TMEM177: variants seen among roughly 807,000 people sequenced by gnomAD.
TMEM177 encodes the protein transmembrane protein 177.
In TMEM177, 4 loss-of-function variants were observed where a neutral mutation model predicts 14.2. The observed-to-expected ratio is 0.28, with a 90% confidence interval of 0.14 to 0.64. The LOEUF is 0.64. Ranked by LOEUF, TMEM177 falls within the 30% of genes least tolerant of loss-of-function variation. The probability of loss-of-function intolerance (pLI) is 0.82; values close to 1 mark genes in which losing one functional copy is unlikely to be tolerated. For synonymous variants in TMEM177, 179 were observed against 174.5 expected (o/e 1.03, Z -0.20); for missense variants, 344 against 405.2 (o/e 0.85, Z 1.30).
At chr2:119,686,882 T>A (rs1366366229), downstream of TMEM177, among the ~76,000 whole-genome samples, 1 of 152,174 alleles carries the variant, frequency 6.6e-6, no homozygotes, top group African/African-American at 2.4e-5. Flanking sequence ...CTGGTAATTT[T>A]AAAATACTAA....
chr2:119,700,354 T>C, the TMEM177 span, among the ~76,000 whole-genome samples: 1 of 152,162 alleles, frequency 6.6e-6, no homozygotes, highest in African/African-American at 2.4e-5. Flanking sequence ...AGTTTACTCT[T>C]GTTGGGAGCC....
chr2:119,685,524 C>G (rs1452962293), downstream of TMEM177: 2 of 625,658 alleles, frequency 3.2e-6, no homozygotes, highest in African/African-American at 3.7e-5. Flanking sequence ...CTGTCTCCTC[C>G]CCACCATGTC....
the TMEM177 span, chr2:119,698,613 A>T: frequency 5.6e-6 from 1 of 179,804 alleles, no homozygotes; most frequent in Admixed American, 5.2e-5. Flanking sequence ...GCTTGAGATG[A>T]TCTGTGAAAA....
chr2:119,723,606 A>C, the TMEM177 span, among the ~76,000 whole-genome samples: 1 of 152,220 alleles, frequency 6.6e-6, no homozygotes, highest in South Asian at 2.1e-4. Context: ...TAAATGCTCC[A>C]TTTAACCCCA....
downstream of TMEM177, among the ~76,000 whole-genome samples, chr2:119,683,464 C>A (rs1200612110): frequency 6.6e-6 from 1 of 152,222 alleles, no homozygotes; most frequent in Admixed American, 6.5e-5. Context: ...GAGGCCACCT[C>A]ATTCCTGAGC....
At chr2:119,688,368 G>A (rs1277844675), downstream of TMEM177, among the ~76,000 whole-genome samples, 7 of 152,114 alleles carry the variant, frequency 4.6e-5, no homozygotes, top group Non-Finnish European at 1.0e-4. Flanking sequence ...TTAACGACAG[G>A]GATATGTTCT....
the TMEM177 span, among the ~76,000 whole-genome samples, chr2:119,713,921 C>G: frequency 6.6e-6 from 1 of 152,234 alleles, no homozygotes; most frequent in Non-Finnish European, 1.5e-5. Flanking sequence ...CAGGCTCCAT[C>G]TCCATTTTCT....
chr2:119,694,718 T>C, the TMEM177 span, among the ~76,000 whole-genome samples: 1 of 152,190 alleles, frequency 6.6e-6, no homozygotes, highest in Non-Finnish European at 1.5e-5. Flanking sequence ...TACACGCCCC[T>C]GATGGGGCCC....
At chr2:119,714,879 T>A in the TMEM177 span, among the ~76,000 whole-genome samples, 3 of 152,288 alleles carry the variant, frequency 2.0e-5, no homozygotes, top group African/African-American at 7.2e-5. Context: ...ACAGCTGCAA[T>A]GCAAGCTTGG....
At position 119,681,101 on chromosome 2, in the gene TMEM177, T is replaced by C; in HGVS notation, c.248T>C (p.Phe83Ser). 6.2e-7 allele frequency: 1 copy of C among 1,614,242 alleles called. No individual in the cohort carries two copies. The highest frequency in any genetic ancestry group is 8.5e-7 in the Non-Finnish European group (1 of 1,180,038). ...CCTTCAGGCCATTGCTACAAGCCCT[T>C]CACCACCTTCACCTTCCAACCTGTG... ...GVPSGHCYKP[F>S]TTFTFQPVSA... The change falls in exon 2 of 2, where the codon TTC (phenylalanine) becomes TCC (serine). Residue 83 changes from phenylalanine (F) to serine (S), a missense_variant. By Grantham distance (155) the Phe-to-Ser change is radical. Coordinates refer to ENST00000272521, the MANE Select transcript of TMEM177 (RefSeq NM_030577.3).
chr2:119,707,105 G>C, the TMEM177 span, among the ~76,000 whole-genome samples: 1 of 151,948 alleles, frequency 6.6e-6, no homozygotes, highest in Non-Finnish European at 1.5e-5. Flanking sequence ...TAGAGACAGG[G>C]TTTCGCCATG....
downstream of TMEM177, among the ~76,000 whole-genome samples, chr2:119,683,409 T>G (rs1688950579): frequency 6.6e-6 from 1 of 152,150 alleles, no homozygotes; most frequent in African/African-American, 2.4e-5. Flanking sequence ...CCTTGGGGTG[T>G]CACCCACCTG....
At chr2:119,719,791 A>C in the TMEM177 span, among the ~76,000 whole-genome samples, 2 of 152,116 alleles carry the variant, frequency 1.3e-5, no homozygotes, top group South Asian at 2.1e-4. Flanking sequence ...TCAGTAGTCA[A>C]GATTTTCTAT....
the TMEM177 span, among the ~76,000 whole-genome samples, chr2:119,717,120 C>A: frequency 1.4e-4 from 21 of 152,256 alleles, 1 homozygote; most frequent in East Asian, 2.7e-3. Context: ...AGGGGTGGGG[C>A]AGAGGCAAAA....
the TMEM177 span, among the ~76,000 whole-genome samples, chr2:119,696,373 A>T: frequency 6.6e-6 from 1 of 152,190 alleles, no homozygotes; most frequent in African/African-American, 2.4e-5. Context: ...CACGGACCTC[A>T]TGGTGACCAC....
chr2:119,722,133 C>T, the TMEM177 span, among the ~76,000 whole-genome samples: 2 of 152,136 alleles, frequency 1.3e-5, no homozygotes, highest in Admixed American at 1.3e-4. Context: ...GTAATCCCAA[C>T]ACTTTGGGAG....
downstream of TMEM177, among the ~76,000 whole-genome samples, chr2:119,690,759 G>A (rs115733964): frequency 0.021 from 3,146 of 152,334 alleles, 43 homozygotes; most frequent in Non-Finnish European, 0.032. Context: ...CTAGTTAAGC[G>A]CGGACAGCTC....
the TMEM177 span, among the ~76,000 whole-genome samples, chr2:119,696,822 T>G: frequency 1.3e-5 from 2 of 149,492 alleles, no homozygotes; most frequent in Admixed American, 1.3e-4. Flanking sequence ...AGCAGGGAGG[T>G]CGGGGAGGCA....
At chr2:119,687,700 C>A (rs574309991), downstream of TMEM177, among the ~76,000 whole-genome samples, 1 of 152,242 alleles carries the variant, frequency 6.6e-6, no homozygotes, top group South Asian at 2.1e-4. Flanking sequence ...AATCATAGCA[C>A]CCCAGCCTCA....
Sources: allele counts gnomAD v4.1 joint callset (sites outside exome capture counted in the v4.1 genomes callset), GRCh38; gene constraint gnomAD v4.1.1; transcripts MANE v1.5; gene names NCBI Gene and HGNC (gene_info 2026-07-23, HGNC 2026-07-21).